The following CPZ variants were observed in gnomAD, a reference collection of about 807,000 sequenced individuals.
The protein encoded by CPZ is carboxypeptidase Z, also known as VEZT/CPZ fusion.
In CPZ, 103 loss-of-function variants were observed where a neutral mutation model predicts 61.8. That is an observed-to-expected ratio of 1.67 (90% confidence interval 1.42 to 1.96). The LOEUF is 1.96. CPZ is among the 30% of genes most tolerant of loss of function. CPZ has a pLI of 0.00. For missense variants in CPZ, 1,461 were observed against 914.9 expected (o/e 1.60, Z -7.70); for synonymous variants, 551 against 373.7 (o/e 1.47, Z -5.47).
At chr4:8,610,588 AG>A (rs1161286633) in intron 7 of CPZ, among the ~76,000 whole-genome samples, 1 of 152,222 alleles carries the variant, frequency 6.6e-6, no homozygotes, top group Non-Finnish European at 1.5e-5. Context: ...GGCAGGTCAG[AG>A]GTGGGACACA....
intron 1 of CPZ, among the ~76,000 whole-genome samples, chr4:8,598,492 C>G (rs1312878951): frequency 6.6e-6 from 1 of 152,246 alleles, no homozygotes; most frequent in African/African-American, 2.4e-5. Context: ...TCTGCTCCAG[C>G]CTGCTTGCCC....
rs1040596198 is a variant in CPZ, at chr4:8,619,702, A to C, written c.*85A>C. The C allele has an allele frequency of 4.7e-6, 5 of 1,054,880 alleles. No homozygotes were observed. The highest frequency in any genetic ancestry group is 6.6e-6 in the Non-Finnish European group (5 of 762,940). 65.3% of individuals were successfully genotyped at this position (1,054,880 alleles called of 1,614,324 possible). A position where few individuals can be genotyped will look rare whatever the true frequency, so the allele number is the denominator to read the frequency against. On this transcript the variant is annotated 3_prime_UTR_variant, in exon 11 of 11. Transcript: ENST00000360986. ...CCTGGCTCTTGATTTTGTCTGCCAC[A>C]GACATCCCACAAAGCCGCTGCCATT...
chr4:8,619,139 G>A (rs1257914990), intron 10 of CPZ, 123 bp from the exon 11 acceptor site: 1 of 779,052 alleles, frequency 1.3e-6, no homozygotes, highest in Non-Finnish European at 2.1e-6. Flanking sequence ...CCCACACAGA[G>A]GCAAGTGCAC....
rs199933402 is a variant in CPZ, at chr4:8,607,328, C to T, written c.1130C>T (p.Ala377Val). The T allele has an allele frequency of 1.4e-5, 23 of 1,614,138 alleles. No homozygotes were observed. Among genetic ancestry groups the T allele is most frequent in the African/African-American group, 2.7e-5 (2 of 75,048 alleles). The change falls in exon 7 of 11, where the codon GCC (alanine) becomes GTC (valine). Residue 377 changes from alanine to valine, a missense_variant. Transcript: ENST00000360986. ...CAGACCATACCCTTTGTGCTCTCAG[C>T]CAGCCTTCATGGGGGCGACCTGGTG... The part of the protein sequence containing the change: ...WMQTIPFVLS[A>V]SLHGGDLVVS...
rs558061091 is a variant in CPZ at position 8,607,420 on chromosome 4, G to C, written c.1222G>C (p.Glu408Gln). 1.1e-5 allele frequency: 17 copies of C among 1,613,836 alleles called. No individual in the cohort carries two copies. In the South Asian group the frequency reaches 1.5e-4, roughly 15 times the overall value. The change falls in exon 7 of 11, where the codon GAG becomes CAG. Residue 408 changes from glutamate to glutamine, a missense_variant. Physicochemically the swap from Glu to Gln is conservative, Grantham distance 29 (BLOSUM62 2). Coordinates refer to ENST00000360986, the MANE Select transcript of CPZ (RefSeq NM_001014447.3). ...EEKMFSPTPD[E>Q]KMFKLLSRAY... The stretch of plus-strand genomic sequence containing the variant: ...GAAGATGTTTTCTCCCACGCCCGAC[G>C]AGAAGGTGAGAGGGCTGTCGGGTGT...
At chr4:8,608,789 G>GGGCA (rs2109330700) in intron 7 of CPZ, among the ~76,000 whole-genome samples, 1 of 152,258 alleles carries the variant, frequency 6.6e-6, no homozygotes, top group Non-Finnish European at 1.5e-5. Context: ...CTGCAGGGCA[G>GGGCA]GGAGGGGCAC....
At chr4:8,612,321 G>C (rs1304212230) in intron 8 of CPZ, among the ~76,000 whole-genome samples, 159 bp downstream of exon 8, 1 of 151,178 alleles carries the variant, frequency 6.6e-6, no homozygotes, top group African/African-American at 2.4e-5. Flanking sequence ...GCTGGCGTGA[G>C]TTTTGTTTCT....
intron 4 of CPZ, among the ~76,000 whole-genome samples, chr4:8,605,631 A>G (rs1400683694): frequency 8.2e-6 from 1 of 121,770 alleles, no homozygotes; most frequent in East Asian, 2.2e-4. Flanking sequence ...TCCATCATTG[A>G]TATATCCATT....
intron 1 of CPZ, among the ~76,000 whole-genome samples, chr4:8,593,283 G>A (rs1315090366): frequency 6.6e-6 from 1 of 152,184 alleles, no homozygotes. Flanking sequence ...GGCCATCTAA[G>A]GTCCCCGGGT....
chr4:8,608,135 T>TCCAGCTTCCAGCTTCCAGCCC (rs1553877381), intron 7 of CPZ, among the ~76,000 whole-genome samples: 60 of 137,640 alleles, frequency 4.4e-4, no homozygotes, highest in African/African-American at 1.6e-3. Flanking sequence ...GGCCCCAGCC[T>TCCAGCTTCCAGCTTCCAGCCC]CCAGCCCCCA....
chr4:8,612,317 G>T (rs28475156), intron 8 of CPZ, among the ~76,000 whole-genome samples, 155 bp downstream of exon 8: 1 of 151,580 alleles, frequency 6.6e-6, no homozygotes. Flanking sequence ...GGAGGCTGGC[G>T]TGAGTTTTGT....
At chr4:8,616,743 C>T (rs1271360359) in intron 9 of CPZ, among the ~76,000 whole-genome samples, 2 of 152,180 alleles carry the variant, frequency 1.3e-5, no homozygotes, top group Non-Finnish European at 2.9e-5. Context: ...TTCTCTTCAT[C>T]ACCTCTCATG....
intron 9 of CPZ, among the ~76,000 whole-genome samples, chr4:8,617,210 G>C (rs1382614981): frequency 6.6e-6 from 1 of 152,228 alleles, no homozygotes; most frequent in Non-Finnish European, 1.5e-5. Flanking sequence ...TCACATGCTT[G>C]CTGAAATCAT....
Position 8,607,396 on chromosome 4 carries a change from A to G in CPZ, c.1198A>G (p.Lys400Glu), listed in dbSNP as rs147815913. The change falls in exon 7 of 11, where the codon AAG becomes GAG. Residue 400 changes from lysine (K) to glutamate (E), a missense_variant. Lys to Glu is a moderately conservative substitution (Grantham distance 56). Transcript: ENST00000360986. ...CTTCTCCAAGCACCCCCAGGAGGAGAAGATGTTTTCTCCCACGCCCGACGA... is the reference window on the plus strand; with the variant it reads ...CTTCTCCAAGCACCCCCAGGAGGAGGAGATGTTTTCTCCCACGCCCGACGA... ...FDFSKHPQEE[K>E]MFSPTPDEKM... The G allele has an allele frequency of 8.7e-4, 1,404 of 1,613,514 alleles. 5 individuals are homozygous for G. The highest frequency in any genetic ancestry group is 1.7e-3 in the South Asian group (151 of 91,066).
rs1424684180 is a variant in CPZ at position 8,607,403 on chromosome 4, T to A, written c.1205T>A (p.Phe402Tyr). The A allele has an allele frequency of 1.2e-6, 2 of 1,613,816 alleles. No homozygotes were observed. Among genetic ancestry groups the A allele is most frequent in the Admixed American group, 1.7e-5 (1 of 59,986 alleles). ...FSKHPQEEKM[F>Y]SPTPDEKMFK... ...AAGCACCCCCAGGAGGAGAAGATGT[T>A]TTCTCCCACGCCCGACGAGAAGGTG... The change falls in exon 7 of 11, where the codon TTT becomes TAT. Residue 402 changes from phenylalanine to tyrosine, a missense_variant. Physicochemically the swap from Phe to Tyr is conservative, Grantham distance 22 (BLOSUM62 3). Transcript: ENST00000360986.
At chr4:8,601,065 ATG>A (rs1714535790) in intron 2 of CPZ, 56 bp from the exon 3 acceptor site, 25 of 1,513,178 alleles carry the variant, frequency 1.7e-5, no homozygotes, top group Non-Finnish European at 2.0e-5. Context: ...TAAATGTCTG[ATG>A]CGTGACGGTC....
chr4:8,619,625 C>CCCAGCA lies in CPZ; in HGVS notation c.*11_*16dup. 1.4e-6 allele frequency: 2 copies of CCCAGCA among 1,479,682 alleles called. No individual in the cohort carries two copies. Among genetic ancestry groups the CCCAGCA allele is most frequent in the South Asian group, 1.5e-5 (1 of 68,880 alleles). 91.7% of individuals were successfully genotyped at this position (1,479,682 alleles called of 1,614,324 possible). On this transcript the variant is annotated 3_prime_UTR_variant, in exon 11 of 11. Transcript: ENST00000360986. ...TGGCTGCTCAAGTACTAGCCCCGGC[C>CCCAGCA]CCAGCACCCGCCAGGATGTGGAGAC...
intron 9 of CPZ, chr4:8,618,203 A>G (rs1321876661): frequency 3.6e-6 from 2 of 559,696 alleles, no homozygotes; most frequent in Non-Finnish European, 6.4e-6. Flanking sequence ...GTCATTCAAA[A>G]GCCCAGAACG....
intron 1 of CPZ, among the ~76,000 whole-genome samples, chr4:8,595,539 C>A (rs1714115253): frequency 6.6e-6 from 1 of 152,216 alleles, no homozygotes; most frequent in East Asian, 1.9e-4. Flanking sequence ...GAGGCCAAGG[C>A]AGCTGGCAAA....
Sources: gnomAD v4.1 joint callset for allele counts (sites outside exome capture counted in the v4.1 genomes callset) on GRCh38, gnomAD v4.1.1 for gene constraint, MANE v1.5 for transcripts, NCBI Gene and HGNC (gene_info 2026-07-23, HGNC 2026-07-21) for gene names.